Variants in MEX3B observed in about 807,000 individuals in gnomAD.
MEX3B encodes mex-3 RNA binding family member B.
In MEX3B, 10 loss-of-function variants were observed where a neutral mutation model predicts 12.2. That is an observed-to-expected ratio of 0.82 (90% CI 0.51 to 1.40). The LOEUF (loss-of-function observed/expected upper bound fraction) is 1.40, where lower values mean the gene tolerates loss of function less well. Among genes scored for constraint, MEX3B ranks in the 40% most tolerant of loss-of-function variants. MEX3B has a pLI of 0.00. For synonymous variants in MEX3B, 498 were observed against 356.3 expected, an observed-to-expected ratio of 1.40 and a Z score of -4.48; for missense variants, 839 against 801.4, an observed-to-expected ratio of 1.05 and a Z score of -0.57.
At position 82,043,758 on chromosome 15, in the gene MEX3B, G is replaced by T; in HGVS notation, c.1112C>A (p.Pro371His). The change falls in exon 2 of 2, where the codon CCT becomes CAT. Residue 371 changes from proline (P) to histidine (H), a missense_variant. Physicochemically the swap from Pro to His is moderately conservative, Grantham distance 77. This residue lies in a region of MEX3B where 573 missense variants were observed against 488.9 expected (regional missense o/e 1.17). Coordinates refer to ENST00000329713, the MANE Select transcript of MEX3B (RefSeq NM_032246.6). ...CTGGGCCCAGATAAGTGGTGCCCCA[G>T]GTGGGGGAGCGGGAGCCGGGTCAAA... ...PTFDPAPAPP[P>H]GAPLIWAQFE... 1.3e-6 allele frequency: 2 copies of T among 1,570,788 alleles called. No homozygotes were observed. Among genetic ancestry groups the T allele is most frequent in the Non-Finnish European group, 1.7e-6 (2 of 1,159,910 alleles).
At chr15:82,045,385 C>T (rs2073250658) in intron 1 of MEX3B, 65 bp downstream of exon 1, 2 of 1,538,894 alleles carry the variant, frequency 1.3e-6, no homozygotes, top group Non-Finnish European at 1.8e-6. Flanking sequence ...CACGCCTTCC[C>T]CTCGAGGCAG....
At position 82,043,881 on chromosome 15, in the gene MEX3B, T is replaced by C; in HGVS notation, c.989A>G (p.Asn330Ser). Reference protein sequence around the residue: ...PPSPALSFAHNGNNNNNGNGY... With the variant: ...PPSPALSFAHSGNNNNNGNGY... ...ATTGCCGTTATTGTTATTGTTTCCG[T>C]TGTGCGCAAAGCTCAGGGCGGGGCT... The change falls in exon 2 of 2, where the codon AAC (asparagine) becomes AGC (serine). Residue 330 changes from asparagine (N) to serine (S), a missense_variant. Asn to Ser is a conservative substitution (Grantham distance 46). Transcript: ENST00000329713. 3 of 1,589,528 alleles carry C rather than the reference T, an allele frequency of 1.9e-6. No individual in the cohort carries two copies. Among genetic ancestry groups the C allele is most frequent in the Non-Finnish European group, 2.6e-6 (3 of 1,169,270 alleles).
At position 82,043,438 on chromosome 15, in the gene MEX3B, G is replaced by C. The variant is rs1282550846; in HGVS notation, c.1432C>G (p.Leu478Val). ...GLAYAAYANG[L>V]GAQLPGLQPS... Reference sequence around the variant, plus strand: ...TGCAAGCCAGGCAGCTGTGCCCCCAGCCCGTTGGCATAAGCGGCGTAGGCC... The same window carrying C: ...TGCAAGCCAGGCAGCTGTGCCCCCACCCCGTTGGCATAAGCGGCGTAGGCC... Residue 478 changes from leucine to valine, a missense_variant, in exon 2 of 2, where the codon CTG (leucine) becomes GTG (valine). Leu to Val is a conservative substitution (Grantham distance 32, BLOSUM62 1). Transcript: ENST00000329713. 1.9e-6 allele frequency: 3 copies of C among 1,562,140 alleles called. No individual in the cohort carries two copies. Among genetic ancestry groups the C allele is most frequent in the Non-Finnish European group, 2.6e-6 (3 of 1,153,786 alleles).
chr15:82,044,585 C>T lies in MEX3B; in HGVS notation c.285G>A (p.Lys95=), dbSNP rs765812358. The change falls in exon 2 of 2, where the codon AAG becomes AAA. Residue 95 remains lysine (K), a synonymous_variant. Transcript: ENST00000329713. The surrounding 1 kb of genome is among the most constrained non-coding windows in gnomAD (Gnocchi z 5.3). ...QGCKIKALRA[K]TNTYIKTPVR... is the part of the protein sequence containing the mutation. ...CTGGGGTCTTGATGTAAGTATTGGT[C>T]TTCGCCCGCAGCGCTTTGATTTTAC... is the stretch of plus-strand genomic sequence containing the variant. 21 of 1,614,086 alleles carry T rather than the reference C, an allele frequency of 1.3e-5. No homozygotes were observed. The highest frequency in any genetic ancestry group is 1.7e-5 in the Non-Finnish European group (20 of 1,180,050).
Position 82,041,917 on chromosome 15 carries a change from A to G in MEX3B, c.*1243T>C, listed in dbSNP as rs1207489865. The G allele has an allele frequency of 6.6e-6, 1 of 152,660 alleles. No homozygotes were observed. The highest frequency in any genetic ancestry group is 1.9e-4 in the East Asian group (1 of 5,206). 9.5% of individuals were successfully genotyped at this position (152,660 alleles called of 1,614,324 possible). ...TTGATACAATTTCAAATCTTGTCTC[A>G]GCAAATATAATATTAGTATTTGACC... is the stretch of plus-strand genomic sequence containing the variant. On this transcript the variant is annotated 3_prime_UTR_variant, in exon 2 of 2. Transcript: ENST00000329713.
Position 82,043,319 on chromosome 15 carries a change from G to A in MEX3B, c.1551C>T (p.Asp517=), listed in dbSNP as rs755446763. The change falls in exon 2 of 2, where the codon GAC becomes GAT. Residue 517 remains aspartate (D), a synonymous_variant. Transcript: ENST00000329713. ...CTTCGCTCTCGAAGCACACGGAGCA[G>A]TCGCGGCTGCCTTTACGCCGAAGCC... ...SSGLRRKGSR[D]CSVCFESEVI... 4 of 1,608,174 alleles carry A rather than the reference G, an allele frequency of 2.5e-6. No homozygotes were observed. The highest frequency in any genetic ancestry group is 2.5e-6 in the Non-Finnish European group (3 of 1,177,098).
rs1164171122 is a variant in MEX3B, at chr15:82,045,518, C to T, written c.188G>A (p.Ser63Asn). Residue 63 changes from serine (S) to asparagine (N), a missense_variant, in exon 1 of 2, where the codon AGC (serine) becomes AAC (asparagine). Physicochemically the swap from Ser to Asn is conservative, Grantham distance 46. Transcript: ENST00000329713. ...TGGCACGCACTCGGTCATGTTCACGCTCTTCTTGCGCGGCTCGCTGTCGTA... is the reference window on the plus strand; with the variant it reads ...TGGCACGCACTCGGTCATGTTCACGTTCTTCTTGCGCGGCTCGCTGTCGTA... ...SLYDSEPRKK[S>N]VNMTECVPVP... The T allele has an allele frequency of 6.2e-7, 1 of 1,612,926 alleles. No individual in the cohort carries two copies. The highest frequency in any genetic ancestry group is 1.1e-5 in the South Asian group (1 of 90,970).
In MEX3B at chr15:82,043,085, G is replaced by A. The variant is rs968696881; in HGVS notation, c.*75C>T. Reference sequence around the variant, plus strand: ...AGGGGGGGCACCCAGGGAGGCAGGCGAGCGCTGGGGAAAGAGGGTGGGGAG... The same window carrying A: ...AGGGGGGGCACCCAGGGAGGCAGGCAAGCGCTGGGGAAAGAGGGTGGGGAG... On this transcript the variant is annotated 3_prime_UTR_variant, in exon 2 of 2. Coordinates refer to ENST00000329713, the MANE Select transcript of MEX3B (RefSeq NM_032246.6). 7.6e-7 allele frequency: 1 copy of A among 1,309,100 alleles called. No individual in the cohort carries two copies. Among genetic ancestry groups the A allele is most frequent in the Non-Finnish European group, 9.9e-7 (1 of 1,013,228 alleles). 81.1% of individuals were successfully genotyped at this position (1,309,100 alleles called of 1,614,324 possible).
Position 82,044,319 on chromosome 15 carries a change from T to G in MEX3B, c.551A>C (p.Lys184Thr). The change falls in exon 2 of 2, where the codon AAG becomes ACG. Residue 184 changes from lysine to threonine, a missense_variant. This residue lies in a region of MEX3B where 52 missense variants were observed against 88.7 expected (regional missense o/e 0.59). Coordinates refer to ENST00000329713, the MANE Select transcript of MEX3B (RefSeq NM_032246.6). The surrounding 1 kb of genome is among the most constrained non-coding windows in gnomAD (Gnocchi z 5.3). Reference protein sequence around the residue: ...LVVGPKGATIKRIQQQTHTYI... With the variant: ...LVVGPKGATITRIQQQTHTYI... ...CGTGTGCGTCTGCTGCTGGATGCGCTTGATTGTGGCGCCTTTGGGCCCCAC... is the reference window on the plus strand; with the variant it reads ...CGTGTGCGTCTGCTGCTGGATGCGCGTGATTGTGGCGCCTTTGGGCCCCAC... The G allele has an allele frequency of 6.2e-7, 1 of 1,613,054 alleles. No individual in the cohort carries two copies. The highest frequency in any genetic ancestry group is 8.5e-7 in the Non-Finnish European group (1 of 1,179,996).
Position 82,044,635 on chromosome 15 carries a change from A to C in MEX3B, c.257-22T>G, listed in dbSNP as rs1455086093. The C allele has an allele frequency of 6.2e-7, 1 of 1,612,868 alleles. No individual in the cohort carries two copies. Among genetic ancestry groups the C allele is most frequent in the Non-Finnish European group, 8.5e-7 (1 of 1,179,250 alleles). On this transcript the variant is annotated intron_variant, in intron 1 of 1. Coordinates refer to ENST00000329713, the MANE Select transcript of MEX3B (RefSeq NM_032246.6). This position sits in a 1 kb window ranked among gnomAD's most constrained non-coding sequence, Gnocchi z 5.3. ...CAACCTACGAACCAGGGTGCGGAGGAGGGAGTGGGAGAGAGAGACAGACAC... is the reference window on the plus strand; with the variant it reads ...CAACCTACGAACCAGGGTGCGGAGGCGGGAGTGGGAGAGAGAGACAGACAC...
chr15:82,044,002 T>C lies in MEX3B; in HGVS notation c.868A>G (p.Ser290Gly), dbSNP rs1434135987. The C allele has an allele frequency of 1.3e-6, 2 of 1,589,288 alleles. No homozygotes were observed. Among genetic ancestry groups the C allele is most frequent in the African/African-American group, 1.4e-5 (1 of 70,176 alleles). The change falls in exon 2 of 2, where the codon AGC becomes GGC. Residue 290 changes from serine to glycine, a missense_variant. This residue lies in a region of MEX3B where 573 missense variants were observed against 488.9 expected (regional missense o/e 1.17). Transcript: ENST00000329713. This position sits in a 1 kb window ranked among gnomAD's most constrained non-coding sequence, Gnocchi z 5.3. ...PFSSYRNDSS[S>G]SLGSASTDSY... is the part of the protein sequence containing the mutation. Reference sequence around the variant, plus strand: ...TCTGTGGAAGCACTGCCAAGCGAGCTGGAGCTGTCGTTGCGGTAGCTAGAG... The same window carrying C: ...TCTGTGGAAGCACTGCCAAGCGAGCCGGAGCTGTCGTTGCGGTAGCTAGAG...
rs979916722 is a variant in MEX3B at position 82,044,926 on chromosome 15, G to C, written c.257-313C>G. 1.7e-5 allele frequency: 10 copies of C among 576,166 alleles called. No individual in the cohort carries two copies. Among genetic ancestry groups the C allele is most frequent in the African/African-American group, 1.3e-4 (7 of 53,352 alleles). 35.7% of individuals were successfully genotyped at this position (576,166 alleles called of 1,614,324 possible). A position where few individuals can be genotyped will look rare whatever the true frequency, so the allele number is the denominator to read the frequency against. On this transcript the variant is annotated intron_variant, in intron 1 of 1. Coordinates refer to ENST00000329713, the MANE Select transcript of MEX3B (RefSeq NM_032246.6). The surrounding 1 kb of genome is among the most constrained non-coding windows in gnomAD (Gnocchi z 5.3). ...GGGAGATGCCGCTGGGATCCAGCTG[G>C]GCGCGCCGTCAGCTCTGAAGACACG...
chr15:82,045,312 G>C (rs1429020195), intron 1 of MEX3B, 138 bp downstream of exon 1: 2 of 1,054,886 alleles, frequency 1.9e-6, no homozygotes, highest in South Asian at 1.3e-5. Flanking sequence ...CTGGGGCGCC[G>C]GCCCATCGCG....
Position 82,043,880 on chromosome 15 carries a change from G to C in MEX3B, c.990C>G (p.Asn330Lys), listed in dbSNP as rs1164960819. The C allele has an allele frequency of 1.3e-6, 2 of 1,589,278 alleles. No homozygotes were observed. ...PPSPALSFAH[N>K]GNNNNNGNGY... ...CATTGCCGTTATTGTTATTGTTTCC[G>C]TTGTGCGCAAAGCTCAGGGCGGGGC... Residue 330 changes from asparagine (N) to lysine (K), a missense_variant, in exon 2 of 2, where the codon AAC becomes AAG. Physicochemically the swap from Asn to Lys is moderately conservative, Grantham distance 94. Around this residue, in one of 3 missense-constraint regions of MEX3B, gnomAD observed 573 missense variants for 488.9 expected, o/e 1.17. Transcript: ENST00000329713.
intron 1 of MEX3B, chr15:82,045,088 C>A (rs1333400663): frequency 1.7e-6 from 1 of 597,966 alleles, no homozygotes; most frequent in Non-Finnish European, 3.0e-6. Flanking sequence ...ATCCAGAATC[C>A]TCCTCCCATC....
Position 82,044,276 on chromosome 15 carries a change from G to A in MEX3B, c.594C>T (p.Ser198=), listed in dbSNP as rs1007141867. 1.2e-6 allele frequency: 2 copies of A among 1,613,834 alleles called. No individual in the cohort carries two copies. Among genetic ancestry groups the A allele is most frequent in the African/African-American group, 1.3e-5 (1 of 75,054 alleles). ...QQTHTYIVTP[S]RDKEPVFEVT... is the part of the protein sequence containing the mutation. ...CCTCGAACACCGGCTCCTTATCCCG[G>A]CTGGGCGTCACGATGTACGTGTGCG... is the stretch of plus-strand genomic sequence containing the variant. The change falls in exon 2 of 2, where the codon AGC becomes AGT. Residue 198 remains serine, a synonymous_variant. Transcript: ENST00000329713. The surrounding 1 kb of genome is among the most constrained non-coding windows in gnomAD (Gnocchi z 5.3).
rs2073247277 is a variant in MEX3B, at chr15:82,044,941, C to T, written c.257-328G>A. On this transcript the variant is annotated intron_variant, in intron 1 of 1. Transcript: ENST00000329713. This position sits in a 1 kb window ranked among gnomAD's most constrained non-coding sequence, Gnocchi z 5.3. ...GATCCAGCTGGGCGCGCCGTCAGCT[C>T]TGAAGACACGGGGAAGGGGCTCGGG... 3 of 578,918 alleles carry T rather than the reference C, an allele frequency of 5.2e-6. No homozygotes were observed. The highest frequency in any genetic ancestry group is 6.1e-6 in the Non-Finnish European group (2 of 325,570). The allele number at this position is 578,918 out of a possible 1,614,324, so 35.9% of individuals were successfully genotyped here.
chr15:82,045,412 A>ACCC, intron 1 of MEX3B, 38 bp downstream of exon 1: 15 of 1,573,576 alleles, frequency 9.5e-6, no homozygotes, highest in Non-Finnish European at 1.2e-5. Context: ...GAGACCCTAC[A>ACCC]CCACCCCCAC....
At chr15:82,045,324 G>A in intron 1 of MEX3B, 126 bp downstream of exon 1, 1 of 1,185,016 alleles carries the variant, frequency 8.4e-7, no homozygotes. Flanking sequence ...CCCATCGCGC[G>A]GCTCTTCCTC....
Sources: allele counts gnomAD v4.1 joint callset, GRCh38; gene constraint gnomAD v4.1.1; regional missense constraint gnomAD v4.1.1; non-coding constraint Gnocchi (gnomAD v3.1); transcripts MANE v1.5; gene names NCBI Gene and HGNC (gene_info 2026-07-23, HGNC 2026-07-21).